FOXO3: variants seen among roughly 807,000 people sequenced by gnomAD.
FOXO3 encodes forkhead box protein O3.
In FOXO3, 4 loss-of-function variants were observed where a neutral mutation model predicts 41.9. The observed-to-expected ratio is 0.10, with a 90% confidence interval of 0.05 to 0.22. FOXO3 has a LOEUF of 0.22. Among genes scored for constraint, FOXO3 ranks in the 10% least tolerant of loss-of-function variants. The probability of loss-of-function intolerance (pLI) is 1.00; values close to 1 mark genes in which losing one functional copy is unlikely to be tolerated. For synonymous variants in FOXO3, 318 were observed against 389.3 expected, an observed-to-expected ratio of 0.82 and a Z score of 2.16; for missense variants, 534 against 906.8, an observed-to-expected ratio of 0.59 and a Z score of 5.28.
chr6:108,638,252 G>C (rs1352663809), intron 1 of FOXO3, among the ~76,000 whole-genome samples: 6 of 152,246 alleles, frequency 3.9e-5, no homozygotes, highest in African/African-American at 1.4e-4. Context: ...AGGGGGGCCT[G>C]AGGGCCCTGG....
intron 1 of FOXO3, among the ~76,000 whole-genome samples, chr6:108,663,043 GA>G (rs548293967): frequency 4.8e-4 from 73 of 152,232 alleles, no homozygotes; most frequent in African/African-American, 1.7e-3. Flanking sequence ...AATTAGGATG[GA>G]TTTTTTTTAA....
At chr6:108,671,315 T>C (rs572567523) in intron 2 of FOXO3, among the ~76,000 whole-genome samples, 1 of 152,322 alleles carries the variant, frequency 6.6e-6, no homozygotes. Flanking sequence ...TTCATCACGG[T>C]TGGACATGAG....
chr6:108,637,226 C>T (rs1778143145), intron 1 of FOXO3, among the ~76,000 whole-genome samples: 1 of 152,168 alleles, frequency 6.6e-6, no homozygotes, highest in Admixed American at 6.5e-5. Context: ...TAGTTTAGCA[C>T]CACTTGAAAA....
chr6:108,626,785 ATATAACTTACCAT>A (rs1777824298), intron 1 of FOXO3, among the ~76,000 whole-genome samples: 1 of 152,192 alleles, frequency 6.6e-6, no homozygotes, highest in Admixed American at 6.5e-5. Context: ...GTAAACTTGG[ATATAACTTACCAT>A]TAACCAGATA....
In FOXO3 at chr6:108,664,434, T is replaced by A. The variant is rs752508116; in HGVS notation, c.1601T>A (p.Leu534His). The A allele has an allele frequency of 2.5e-6, 4 of 1,613,334 alleles. No homozygotes were observed. The highest frequency in any genetic ancestry group is 2.5e-6 in the Non-Finnish European group (3 of 1,179,766). Residue 534 changes from leucine (L) to histidine (H), a missense_variant, in exon 2 of 3, where the codon CTC becomes CAC. Physicochemically the swap from Leu to His is moderately conservative, Grantham distance 99 (BLOSUM62 -3). Around this residue, in one of 8 missense-constraint regions of FOXO3, gnomAD observed 94 missense variants for 214.4 expected, o/e 0.44. Transcript: ENST00000406360. ...GGAAGTTTGGTCAATCAGAACTTGCTCCACCACCAGCACCAAACCCAGGGC... is the reference window on the plus strand; with the variant it reads ...GGAAGTTTGGTCAATCAGAACTTGCACCACCACCAGCACCAAACCCAGGGC... ...NQGSLVNQNL[L>H]HHQHQTQGAL...
intron 2 of FOXO3, among the ~76,000 whole-genome samples, chr6:108,665,680 G>A (rs1247711828): frequency 2.6e-5 from 4 of 151,982 alleles, no homozygotes; most frequent in African/African-American, 7.2e-5. Flanking sequence ...AAATTAGCTG[G>A]GTGTGGTGAC....
chr6:108,566,818 A>C (rs1775957904), intron 1 of FOXO3, among the ~76,000 whole-genome samples: 1 of 152,236 alleles, frequency 6.6e-6, no homozygotes, highest in African/African-American at 2.4e-5. Flanking sequence ...GTGCTATAAA[A>C]GGAGCTGGGG....
chr6:108,563,389 G>A (rs1469790983), intron 1 of FOXO3, among the ~76,000 whole-genome samples: 1 of 152,198 alleles, frequency 6.6e-6, no homozygotes, highest in East Asian at 1.9e-4. Flanking sequence ...AGAATGCCAG[G>A]TGTATGATAC....
At position 108,683,870 on chromosome 6, in the gene FOXO3, T is replaced by C. The variant is rs1481852257; in HGVS notation, c.*4078T>C. ...CACCAGTAAAGAGGTACGAAAAAGC[T>C]AGCCTCTCTCAGAGACCGGGGAGGC... On this transcript the variant is annotated 3_prime_UTR_variant, in exon 3 of 3. Coordinates refer to ENST00000406360, the MANE Select transcript of FOXO3 (RefSeq NM_001455.4). 1 of 152,340 alleles carries C rather than the reference T, an allele frequency of 6.6e-6. No individual in the cohort carries two copies. The highest frequency in any genetic ancestry group is 2.4e-5 in the African/African-American group (1 of 41,430). 9.4% of individuals were successfully genotyped at this position (152,340 alleles called of 1,614,324 possible).
At chr6:108,585,169 G>C (rs1472104248) in intron 1 of FOXO3, among the ~76,000 whole-genome samples, 3 of 151,468 alleles carry the variant, frequency 2.0e-5, no homozygotes, top group Non-Finnish European at 4.4e-5. Context: ...AGCCTCCCGA[G>C]TAGCTGGGAC....
intron 1 of FOXO3, among the ~76,000 whole-genome samples, chr6:108,618,933 C>T (rs974752340): frequency 4.6e-5 from 7 of 152,290 alleles, no homozygotes; most frequent in Admixed American, 3.9e-4. Flanking sequence ...GCTCTGTGTT[C>T]CCCCTTCTCT....
At chr6:108,575,790 T>C (rs1776245445) in intron 1 of FOXO3, among the ~76,000 whole-genome samples, 1 of 152,210 alleles carries the variant, frequency 6.6e-6, no homozygotes, top group Non-Finnish European at 1.5e-5. Flanking sequence ...GTGCCATGTG[T>C]GAATATACCT....
At chr6:108,585,988 T>C (rs989062783) in intron 1 of FOXO3, among the ~76,000 whole-genome samples, 1 of 152,160 alleles carries the variant, frequency 6.6e-6, no homozygotes, top group African/African-American at 2.4e-5. Context: ...TATCCCACTT[T>C]CTCAGCCGGC....
chr6:108,662,621 G>A (rs891923193), intron 1 of FOXO3, among the ~76,000 whole-genome samples: 1 of 152,220 alleles, frequency 6.6e-6, no homozygotes, highest in African/African-American at 2.4e-5. Flanking sequence ...ATTCTCATCG[G>A]TTCTTCATTC....
intron 1 of FOXO3, among the ~76,000 whole-genome samples, chr6:108,580,256 T>C (rs1006989496): frequency 7.0e-6 from 1 of 142,156 alleles, no homozygotes; most frequent in Non-Finnish European, 1.5e-5. Flanking sequence ...TGGTGTGATC[T>C]CGGCTCACCA....
chr6:108,571,627 CACCA>C (rs1776100663), intron 1 of FOXO3, among the ~76,000 whole-genome samples: 1 of 152,166 alleles, frequency 6.6e-6, no homozygotes, highest in Admixed American at 6.5e-5. Context: ...AGCCAAAGAA[CACCA>C]AGGATTGCCA....
chr6:108,641,513 C>T (rs1778257506), intron 1 of FOXO3, among the ~76,000 whole-genome samples: 1 of 152,156 alleles, frequency 6.6e-6, no homozygotes, highest in African/African-American at 2.4e-5. Flanking sequence ...TCTGTCTCAA[C>T]TTCTCTGTGC....
At chr6:108,608,765 T>C (rs1483191491) in intron 1 of FOXO3, among the ~76,000 whole-genome samples, 1 of 152,188 alleles carries the variant, frequency 6.6e-6, no homozygotes, top group Non-Finnish European at 1.5e-5. Context: ...ACATTTCTAA[T>C]AGTAAACGCT....
chr6:108,616,204 G>T (rs916132872), intron 1 of FOXO3, among the ~76,000 whole-genome samples: 1 of 118,404 alleles, frequency 8.4e-6, no homozygotes, highest in South Asian at 2.9e-4. Context: ...TCATTCTGTC[G>T]CCCAGGCTTG....
Sources: allele counts gnomAD v4.1 joint callset (sites outside exome capture counted in the v4.1 genomes callset), GRCh38; gene constraint gnomAD v4.1.1; regional missense constraint gnomAD v4.1.1; transcripts MANE v1.5; gene names NCBI Gene and HGNC (gene_info 2026-07-23, HGNC 2026-07-21).